Variants in NLGN1 observed in about 807,000 individuals in gnomAD.
NLGN1 encodes neuroligin-1.
A neutral mutation model predicts 65.5 loss-of-function variants in NLGN1; 12 were observed. That is an observed-to-expected ratio of 0.18 (90% CI 0.12 to 0.30). The LOEUF is 0.30. Ranked by LOEUF, NLGN1 falls within the 10% of genes least tolerant of loss-of-function variation. The pLI is 1.00. For synonymous variants in NLGN1, 350 were observed against 359.5 expected (o/e 0.97, Z 0.30); for missense variants, 750 against 1,007.1 (o/e 0.74, Z 3.46).
intron 2 of NLGN1, among the ~76,000 whole-genome samples, chr3:173,590,338 T>C (rs1337496880): frequency 6.6e-6 from 1 of 152,176 alleles, no homozygotes; most frequent in Non-Finnish European, 1.5e-5. Context: ...TCATTACCTG[T>C]TTAACTGTGC....
intron 4 of NLGN1, among the ~76,000 whole-genome samples, chr3:173,970,542 T>TA (rs58186465): frequency 2.7e-4 from 40 of 146,932 alleles, no homozygotes; most frequent in Admixed American, 1.6e-3. Context: ...TTGCTTACAA[T>TA]AAAAAAAAAA....
chr3:173,728,911 C>T (rs904976269), intron 3 of NLGN1, among the ~76,000 whole-genome samples: 4 of 151,936 alleles, frequency 2.6e-5, no homozygotes, highest in East Asian at 1.9e-4. Flanking sequence ...TTTAAGCCAC[C>T]GAGTTTGTGG....
In NLGN1 at chr3:173,608,815, A is replaced by AT. The variant is rs1751810391; in HGVS notation, c.493+3728dup. On this transcript the variant is annotated intron_variant, in intron 3 of 6. Coordinates refer to ENST00000457714, the Ensembl canonical transcript of NLGN1. ...TCTTTTTATTCTATCAGTTGACCGT[A>AT]TTTTAGACAGACTTAATGCTCACCT... Among the ~76,000 whole-genome samples, 5 of 151,818 alleles carry AT rather than the reference A, an allele frequency of 3.3e-5. No homozygotes were observed. The South Asian group carries it at 1.0e-3, about 31-fold the overall frequency.
intron 4 of NLGN1, among the ~76,000 whole-genome samples, chr3:174,104,621 A>G (rs571207931): frequency 2.6e-5 from 4 of 152,322 alleles, no homozygotes; most frequent in South Asian, 2.1e-4. Flanking sequence ...CACTTGAATT[A>G]TAGTGGTACA....
chr3:174,260,413 A>G (rs1746666131), intron 4 of NLGN1, among the ~76,000 whole-genome samples: 1 of 151,038 alleles, frequency 6.6e-6, no homozygotes, highest in African/African-American at 2.4e-5. Context: ...TGTGGTTTTG[A>G]TTTGCATTTC....
At chr3:173,604,597 C>T (rs756991253) in exon 3 of NLGN1, 1 of 1,612,814 alleles carries the variant, frequency 6.2e-7, no homozygotes, top group Non-Finnish European at 8.5e-7. Context: ...TAATGTGGGA[C>T]CATGGCACTG....
intron 3 of NLGN1, among the ~76,000 whole-genome samples, chr3:173,776,095 T>A (rs1780261108): frequency 6.6e-6 from 1 of 152,042 alleles, no homozygotes; most frequent in Admixed American, 6.6e-5. Flanking sequence ...CAGGCAAAAA[T>A]GCCCGACTAG....
At chr3:174,169,191 G>A (rs2152730949) in intron 4 of NLGN1, among the ~76,000 whole-genome samples, 1 of 152,252 alleles carries the variant, frequency 6.6e-6, no homozygotes, top group Non-Finnish European at 1.5e-5. Flanking sequence ...TGAGCATGTA[G>A]CAGAGAGGGT....
In NLGN1 at chr3:173,493,305, G is replaced by T. The variant is rs1222326176; in HGVS notation, c.-321+58227G>T. ...GCCTTCTGGATGTGTGCCATATTTT[G>T]CCTACTAGTGAAGGGACTCATTTTT... is the stretch of plus-strand genomic sequence containing the variant. On this transcript the variant is annotated intron_variant, in intron 2 of 6. Transcript: ENST00000457714. Among the ~76,000 whole-genome samples, 2 of 151,580 alleles carry T rather than the reference G, an allele frequency of 1.3e-5. 1 individual carries two copies. The highest frequency in any genetic ancestry group is 4.9e-5 in the African/African-American group (2 of 41,032).
At chr3:173,523,052 T>C (rs988723082) in intron 2 of NLGN1, among the ~76,000 whole-genome samples, 1 of 151,776 alleles carries the variant, frequency 6.6e-6, no homozygotes, top group Non-Finnish European at 1.5e-5. Flanking sequence ...ATATGCATGT[T>C]GGACAGTTGT....
intron 2 of NLGN1, among the ~76,000 whole-genome samples, chr3:173,497,634 C>T (rs1319292946): frequency 6.6e-6 from 1 of 151,598 alleles, no homozygotes; most frequent in Non-Finnish European, 1.5e-5. Flanking sequence ...CAAAAAATGT[C>T]TTCAAATCAA....
chr3:174,260,068 T>G (rs2152856746), intron 4 of NLGN1, among the ~76,000 whole-genome samples: 1 of 152,268 alleles, frequency 6.6e-6, no homozygotes, highest in East Asian at 1.9e-4. Context: ...CCACATTTTC[T>G]TAATCCAGTC....
intron 3 of NLGN1, among the ~76,000 whole-genome samples, chr3:173,799,567 C>T (rs1367340700): frequency 2.0e-5 from 3 of 152,026 alleles, no homozygotes; most frequent in South Asian, 4.1e-4. Flanking sequence ...AGCCCTGACT[C>T]GGTAACTACC....
At chr3:173,857,400 A>C (rs1325685623) in intron 4 of NLGN1, among the ~76,000 whole-genome samples, 1 of 152,070 alleles carries the variant, frequency 6.6e-6, no homozygotes, top group Non-Finnish European at 1.5e-5. Flanking sequence ...TCTCAACCTG[A>C]AACTCCCTCC....
intron 4 of NLGN1, among the ~76,000 whole-genome samples, chr3:173,845,606 GGATAGATA>G (rs10546469): frequency 0.017 from 2,547 of 147,026 alleles, 31 homozygotes; most frequent in Non-Finnish European, 0.021. Flanking sequence ...GTAGGTGGAT[GGATAGATA>G]GATAGATAGA....
chr3:173,696,258 A>C (rs1230880968), intron 3 of NLGN1, among the ~76,000 whole-genome samples: 1 of 152,212 alleles, frequency 6.6e-6, no homozygotes, highest in Non-Finnish European at 1.5e-5. Flanking sequence ...GAAGGTTTAA[A>C]TACTGACAAC....
chr3:173,726,668 A>C (rs189560456), intron 3 of NLGN1, among the ~76,000 whole-genome samples: 1 of 152,070 alleles, frequency 6.6e-6, no homozygotes, highest in South Asian at 2.1e-4. Flanking sequence ...GGAATAACAC[A>C]TGTTTTTCTT....
chr3:173,833,031 TA>T (rs1448903070), intron 4 of NLGN1, among the ~76,000 whole-genome samples: 1 of 80,368 alleles, frequency 1.2e-5, no homozygotes, highest in Non-Finnish European at 2.6e-5. Context: ...ATATTTAGGC[TA>T]TTACATATTA....
At chr3:173,516,783 G>A (rs951998391) in intron 2 of NLGN1, among the ~76,000 whole-genome samples, 20 of 151,946 alleles carry the variant, frequency 1.3e-4, no homozygotes, top group Non-Finnish European at 2.5e-4. Flanking sequence ...GACACCAATA[G>A]GGCTTAGGAA....
Sources: allele counts gnomAD v4.1 joint callset (sites outside exome capture counted in the v4.1 genomes callset), GRCh38; gene constraint gnomAD v4.1.1; transcripts MANE v1.5; gene names NCBI Gene and HGNC (gene_info 2026-07-23, HGNC 2026-07-21).